Variants in LRRIQ1 observed in about 807,000 individuals in gnomAD.
LRRIQ1 encodes leucine rich repeats and IQ motif containing 1.
A neutral mutation model predicts 211.9 loss-of-function variants in LRRIQ1; 210 were observed. That is an observed-to-expected ratio of 0.99 (90% CI 0.89 to 1.11). The LOEUF (loss-of-function observed/expected upper bound fraction) is 1.11, where lower values mean the gene tolerates loss of function less well. Ranked by LOEUF, LRRIQ1 falls within the 50% of genes most tolerant of loss-of-function variation. LRRIQ1 has a pLI of 0.00. For missense variants in LRRIQ1, 2,136 were observed against 1,939.5 expected (o/e 1.10, Z -1.90); for synonymous variants, 699 against 650.1 (o/e 1.08, Z -1.14).
At chr12:85,268,731 A>C, downstream of LRRIQ1, among the ~76,000 whole-genome samples, 1 of 152,004 alleles carries the variant, frequency 6.6e-6, no homozygotes, top group East Asian at 1.9e-4. Context: ...CTAGGGAGAC[A>C]AAGAGAAGGA....
rs1893933606 is a variant in LRRIQ1 at position 85,213,427 on chromosome 12, T to A, written c.4823-16090T>A. On this transcript the variant is annotated intron_variant, in intron 24 of 26. Transcript: ENST00000393217. ...ACATTTCTATCACGTCTATATAGCA[T>A]GTGACATCTATACTCAAAAAATCAG... is the stretch of plus-strand genomic sequence containing the variant. Among the ~76,000 whole-genome samples, 3 of 152,138 alleles carry A rather than the reference T, an allele frequency of 2.0e-5. No homozygotes were observed. In the East Asian group the frequency reaches 5.8e-4, roughly 29 times the overall value.
Position 85,141,900 on chromosome 12 carries a change from A to T in LRRIQ1, c.4329+3931A>T, listed in dbSNP as rs935866087. Among the ~76,000 whole-genome samples, 5 of 146,928 alleles carry T rather than the reference A, an allele frequency of 3.4e-5. No individual in the cohort carries two copies. In the South Asian group the frequency reaches 6.4e-4, roughly 19 times the overall value. ...TATTTTTCCCTTTATTCACTAGTTA[A>T]TTGAGTTTTATTTTTTCGTGTGCTT... On this transcript the variant is annotated intron_variant, in intron 19 of 26. Transcript: ENST00000393217.
chr12:85,197,891 A>G (rs1893021292), intron 24 of LRRIQ1, among the ~76,000 whole-genome samples: 1 of 129,766 alleles, frequency 7.7e-6, no homozygotes, highest in Admixed American at 9.0e-5. Flanking sequence ...AAAACATAAT[A>G]AAAATATAAT....
chr12:85,131,968 G>A (rs1041354428), intron 18 of LRRIQ1, among the ~76,000 whole-genome samples: 1 of 152,090 alleles, frequency 6.6e-6, no homozygotes, highest in Admixed American at 6.6e-5. Context: ...ACTAAACAGA[G>A]ATGGCTGGGT....
intron 24 of LRRIQ1, among the ~76,000 whole-genome samples, chr12:85,220,447 G>A (rs1461863331): frequency 2.0e-5 from 3 of 151,700 alleles, no homozygotes; most frequent in East Asian, 1.9e-4. Flanking sequence ...CACTTTTGTT[G>A]TGCTTTTCAT....
intron 11 of LRRIQ1, among the ~76,000 whole-genome samples, chr12:85,079,466 G>A (rs1361746309): frequency 1.3e-5 from 2 of 151,394 alleles, no homozygotes. Flanking sequence ...CTTGGGGTCC[G>A]CCTGCCTCCA....
At chr12:85,224,150 A>AGTTC (rs1894535046) in intron 24 of LRRIQ1, among the ~76,000 whole-genome samples, 1 of 106,190 alleles carries the variant, frequency 9.4e-6, no homozygotes, top group South Asian at 2.4e-4. Context: ...ATATGAAAAA[A>AGTTC]AGCTCATCAC....
intron 23 of LRRIQ1, among the ~76,000 whole-genome samples, chr12:85,159,986 A>G (rs1377759479): frequency 6.6e-6 from 1 of 152,064 alleles, no homozygotes; most frequent in African/African-American, 2.4e-5. Flanking sequence ...CTTAGTAAAG[A>G]TGAATTATTA....
intron 19 of LRRIQ1, among the ~76,000 whole-genome samples, chr12:85,145,321 G>A (rs920937929): frequency 1.3e-5 from 2 of 151,604 alleles, no homozygotes; most frequent in Non-Finnish European, 3.0e-5. Flanking sequence ...CAAAAGCCTA[G>A]ATCAACTGTC....
At chr12:85,244,500 C>T (rs939215458) in intron 26 of LRRIQ1, among the ~76,000 whole-genome samples, 10 of 151,634 alleles carry the variant, frequency 6.6e-5, no homozygotes, top group African/African-American at 2.2e-4. Flanking sequence ...TTTAAAGTTT[C>T]ATCAGCTACC....
At chr12:85,175,402 T>C (rs1565885044) in intron 24 of LRRIQ1, among the ~76,000 whole-genome samples, 1 of 152,044 alleles carries the variant, frequency 6.6e-6, no homozygotes, top group African/African-American at 2.4e-5. Context: ...GTATATCAGA[T>C]CAACTCTAAA....
chr12:85,137,090 T>C (rs1889187451), intron 18 of LRRIQ1, among the ~76,000 whole-genome samples: 1 of 151,358 alleles, frequency 6.6e-6, no homozygotes, highest in African/African-American at 2.4e-5. Context: ...TTTTTAAAAT[T>C]TATATATATA....
chr12:85,251,369 C>T (rs1010871994), intron 1 of LRRIQ1, among the ~76,000 whole-genome samples: 2 of 151,636 alleles, frequency 1.3e-5, no homozygotes, highest in Admixed American at 6.6e-5. Flanking sequence ...TAGAGAGTGA[C>T]TAATAAAGTA....
chr12:85,087,629 T>C (rs1434194372), intron 11 of LRRIQ1, among the ~76,000 whole-genome samples: 2 of 152,162 alleles, frequency 1.3e-5, no homozygotes, highest in African/African-American at 2.4e-5. Context: ...TTTTAATGAT[T>C]GCCATTCTAA....
At chr12:85,150,778 A>G (rs527749648) in intron 19 of LRRIQ1, among the ~76,000 whole-genome samples, 4 of 100,694 alleles carry the variant, frequency 4.0e-5, no homozygotes, top group South Asian at 5.1e-4. Flanking sequence ...TTTTTCCAAT[A>G]ACGCATTTTT....
intron 1 of LRRIQ1, among the ~76,000 whole-genome samples, chr12:85,261,251 G>A (rs1896278511): frequency 6.6e-6 from 1 of 152,036 alleles, no homozygotes; most frequent in Non-Finnish European, 1.5e-5. Context: ...TTTTAGTGCT[G>A]TTCTCTTGGT....
chr12:85,107,365 T>C (rs1350871808), intron 15 of LRRIQ1, among the ~76,000 whole-genome samples: 1 of 152,068 alleles, frequency 6.6e-6, no homozygotes, highest in East Asian at 1.9e-4. Context: ...CCCTAGTATT[T>C]TAAAAACATC....
intron 10 of LRRIQ1, among the ~76,000 whole-genome samples, chr12:85,070,131 G>A (rs956805452): frequency 2.6e-5 from 4 of 151,886 alleles, no homozygotes; most frequent in Admixed American, 2.0e-4. Flanking sequence ...AGTTAAAAAC[G>A]GTTTGATTAA....
At chr12:85,259,787 A>G (rs1896231647) in intron 1 of LRRIQ1, among the ~76,000 whole-genome samples, 1 of 152,138 alleles carries the variant, frequency 6.6e-6, no homozygotes, top group Non-Finnish European at 1.5e-5. Context: ...TTGCTTAAGG[A>G]ATTATACCAA....
Sources: gnomAD v4.1 joint callset for allele counts (sites outside exome capture counted in the v4.1 genomes callset) on GRCh38, gnomAD v4.1.1 for gene constraint, MANE v1.5 for transcripts, NCBI Gene and HGNC (gene_info 2026-07-23, HGNC 2026-07-21) for gene names.